RAP1GAP: variants seen among roughly 807,000 people sequenced by gnomAD.
RAP1GAP encodes the protein RAP1 GTPase activating protein.
In RAP1GAP, 35 loss-of-function variants were observed where a neutral mutation model predicts 87.2. The ratio of observed to expected loss-of-function variants is 0.40; its 90% CI spans 0.31 to 0.53. The LOEUF (loss-of-function observed/expected upper bound fraction) is 0.53, where lower values mean the gene tolerates loss of function less well. Among genes scored for constraint, RAP1GAP ranks in the 20% least tolerant of loss-of-function variants. RAP1GAP has a pLI of 0.48. For synonymous variants in RAP1GAP, 375 were observed against 363.9 expected, an observed-to-expected ratio of 1.03 and a Z score of -0.35; for missense variants, 734 against 898.9, an observed-to-expected ratio of 0.82 and a Z score of 2.35.
intron 2 of RAP1GAP, among the ~76,000 whole-genome samples, chr1:21,647,062 C>T (rs2096122699): frequency 1.3e-5 from 2 of 152,184 alleles, no homozygotes; most frequent in Admixed American, 1.3e-4. Flanking sequence ...TTACTTATTC[C>T]CCTCCCTGAA....
intron 1 of RAP1GAP, among the ~76,000 whole-genome samples, chr1:21,662,807 C>A (rs1205733212): frequency 2.0e-5 from 3 of 152,232 alleles, no homozygotes; most frequent in Non-Finnish European, 4.4e-5. Flanking sequence ...AGCCACTCAC[C>A]AGCTGGGTGA....
intron 1 of RAP1GAP, among the ~76,000 whole-genome samples, chr1:21,663,154 C>T (rs1028213298): frequency 6.6e-6 from 1 of 152,208 alleles, no homozygotes; most frequent in Admixed American, 6.5e-5. Context: ...GGGACTCGGA[C>T]AGGTGAGGTC....
At position 21,634,213 on chromosome 1, in the gene RAP1GAP, TGGCCCCCTCTTCCCCA is replaced by T. The variant is rs2094328419; in HGVS notation, c.-112-7832_-112-7817del. Among the ~76,000 whole-genome samples the T allele has an allele frequency of 1.3e-5, 2 of 152,086 alleles. No homozygotes were observed. Among genetic ancestry groups the T allele is most frequent in the South Asian group, 4.1e-4 (2 of 4,824 alleles). Reference sequence around the variant, plus strand: ...TTTCCAAAGCTAGGTCTGGAGAGGCTGGCCCCCTCTTCCCCAGCCCACTGGGAGCCTAAGCAGACAG... The same window carrying T: ...TTTCCAAAGCTAGGTCTGGAGAGGCTGCCCACTGGGAGCCTAAGCAGACAG... On this transcript the variant is annotated intron_variant, in intron 2 of 24. Coordinates refer to ENST00000374765, the MANE Select transcript of RAP1GAP (RefSeq NM_002885.4). The surrounding 1 kb of genome is among the most constrained non-coding windows in gnomAD (Gnocchi z 4.1).
rs562718440 is a variant in RAP1GAP at position 21,611,974 on chromosome 1, C to G, written c.612+52G>C. 1.3e-5 allele frequency: 20 copies of G among 1,494,832 alleles called. No homozygotes were observed. The African/African-American group carries it at 2.5e-4, about 19-fold the overall frequency. The allele number at this position is 1,494,832 out of a possible 1,614,324, so 92.6% of individuals were successfully genotyped here. On this transcript the variant is annotated intron_variant, in intron 11 of 24. Transcript: ENST00000374765. ...GTGCTGCCCTGGAAAAGGTGTGAGG[C>G]TCCAGATATGGGGCCAGGTGGGGAG...
At chr1:21,644,766 G>C (rs1264473504) in intron 2 of RAP1GAP, among the ~76,000 whole-genome samples, 1 of 152,072 alleles carries the variant, frequency 6.6e-6, no homozygotes, top group African/African-American at 2.4e-5. Context: ...GCCGGGTGTG[G>C]TGGCAGGCGC....
chr1:21,603,902 A>T lies in RAP1GAP; in HGVS notation c.1429-989T>A, dbSNP rs767917050. The T allele has an allele frequency of 1.3e-6, 2 of 1,547,250 alleles. No individual in the cohort carries two copies. Among genetic ancestry groups the T allele is most frequent in the Non-Finnish European group, 1.8e-6 (2 of 1,142,608 alleles). On this transcript the variant is annotated intron_variant, in intron 18 of 24. Coordinates refer to ENST00000374765, the MANE Select transcript of RAP1GAP (RefSeq NM_002885.4). This position sits in a 1 kb window ranked among gnomAD's most constrained non-coding sequence, Gnocchi z 6.0. ...GAATCTACTCGCACTTTTCCCAGGA[A>T]TAAGCAATGACTGGCAAGCAGCAGA... is the stretch of plus-strand genomic sequence containing the variant.
chr1:21,667,263 G>T (rs2097395133), intron 1 of RAP1GAP, among the ~76,000 whole-genome samples: 1 of 152,226 alleles, frequency 6.6e-6, no homozygotes, highest in Admixed American at 6.5e-5. Context: ...GGGAGGTGGA[G>T]GCCCTGCTGT....
At chr1:21,605,425 C>T (rs1358436443) in intron 18 of RAP1GAP, among the ~76,000 whole-genome samples, 1 of 152,208 alleles carries the variant, frequency 6.6e-6, no homozygotes, top group Non-Finnish European at 1.5e-5. Context: ...GGGCTTATCA[C>T]ACACGATGTG....
rs2071108375 is a variant in RAP1GAP, at chr1:21,603,563, GGGTACC to G, written c.1429-656_1429-651del. ...ACGTGCGGCTGGGTGTAGGGCCTTTGGGTACCGGATCCTGGCAGGGACTGGGCCAGG... is the reference window on the plus strand; with the variant it reads ...ACGTGCGGCTGGGTGTAGGGCCTTTGGGATCCTGGCAGGGACTGGGCCAGG... On this transcript the variant is annotated intron_variant, in intron 18 of 24. Coordinates refer to ENST00000374765, the MANE Select transcript of RAP1GAP (RefSeq NM_002885.4). This position sits in a 1 kb window ranked among gnomAD's most constrained non-coding sequence, Gnocchi z 6.0. The G allele has an allele frequency of 3.2e-6, 2 of 629,640 alleles. No individual in the cohort carries two copies. The highest frequency in any genetic ancestry group is 1.8e-5 in the African/African-American group (1 of 54,812). 39.0% of individuals were successfully genotyped at this position (629,640 alleles called of 1,614,324 possible). A position where few individuals can be genotyped will look rare whatever the true frequency, so the allele number is the denominator to read the frequency against.
Position 21,598,496 on chromosome 1 carries a change from C to A in RAP1GAP, c.1783G>T (p.Val595Leu). ...TTGTGGGGTGTTCCTGAGGATGACA[C>A]GCTCTCCTGGGGAGGGGGTGGAAAG... ...VDGEDTGLES[V>L]SSSGTPHKRD... The change falls in exon 22 of 25, where the codon GTG becomes TTG. Residue 595 changes from valine (V) to leucine (L), a missense_variant. By Grantham distance (32) the Val-to-Leu change is conservative (BLOSUM62 1). This residue lies in a region of RAP1GAP where 249 missense variants were observed against 252.7 expected (regional missense o/e 0.99). Coordinates refer to ENST00000374765, the MANE Select transcript of RAP1GAP (RefSeq NM_002885.4). 1 of 1,611,580 alleles carries A rather than the reference C, an allele frequency of 6.2e-7. No homozygotes were observed. The highest frequency in any genetic ancestry group is 8.5e-7 in the Non-Finnish European group (1 of 1,178,372).
At chr1:21,651,813 G>T in intron 1 of RAP1GAP, 1 of 1,298,182 alleles carries the variant, frequency 7.7e-7, no homozygotes, top group Non-Finnish European at 9.8e-7. Context: ...CTGCGCTTCC[G>T]GCCGCTCATG....
chr1:21,669,056 C>T lies in RAP1GAP; in HGVS notation c.-149+198G>A, dbSNP rs1352428696. On this transcript the variant is annotated intron_variant, in intron 1 of 24. Coordinates refer to ENST00000374765, the MANE Select transcript of RAP1GAP (RefSeq NM_002885.4). The surrounding 1 kb of genome is among the most constrained non-coding windows in gnomAD (Gnocchi z 5.6). ...CAGTCCAGGCCTCCCCCCACTTCTC[C>T]AGCTGCTGTCAAGACCGGGCTGCGC... Among the ~76,000 whole-genome samples the T allele has an allele frequency of 2.0e-5, 3 of 151,964 alleles. No individual in the cohort carries two copies. Among genetic ancestry groups the T allele is most frequent in the African/African-American group, 7.2e-5 (3 of 41,430 alleles).
intron 13 of RAP1GAP, among the ~76,000 whole-genome samples, chr1:21,610,621 A>C (rs79983448): frequency 0.014 from 2,093 of 152,272 alleles, 48 homozygotes; most frequent in African/African-American, 0.046. Flanking sequence ...AGATGATGAT[A>C]TCAAGGCCGA....
At position 21,611,744 on chromosome 1, in the gene RAP1GAP, G is replaced by T. The variant is rs1426345594; in HGVS notation, c.685C>A (p.Gln229Lys). The T allele has an allele frequency of 6.2e-7, 1 of 1,613,642 alleles. No individual in the cohort carries two copies. The highest frequency in any genetic ancestry group is 8.5e-7 in the Non-Finnish European group (1 of 1,179,660). The change falls in exon 12 of 25, where the codon CAG becomes AAG. Residue 229 changes from glutamine (Q) to lysine (K), a missense_variant. Gln to Lys is a moderately conservative substitution (Grantham distance 53). Coordinates refer to ENST00000374765, the MANE Select transcript of RAP1GAP (RefSeq NM_002885.4). ...AFVEFLEFLG[Q>K]KVKLQDFKGF... Reference sequence around the variant, plus strand: ...TTAAAGTCCTGCAGTTTGACCTTCTGGCCAAGAAATTCAAGGAACTCCACG... The same window carrying T: ...TTAAAGTCCTGCAGTTTGACCTTCTTGCCAAGAAATTCAAGGAACTCCACG...
chr1:21,612,897 G>T lies in RAP1GAP; in HGVS notation c.528+279C>A, dbSNP rs1472156331. The stretch of plus-strand genomic sequence containing the variant: ...TATGGCACAGCTTGCTCTCAGGAGG[G>T]TCCCCAAACATCACAGAGGTTCCAG... On this transcript the variant is annotated intron_variant, in intron 10 of 24. Transcript: ENST00000374765. 1.0e-5 allele frequency: 5 copies of T among 498,062 alleles called. No homozygotes were observed. In the East Asian group the frequency reaches 1.7e-4, roughly 17 times the overall value. 30.9% of individuals were successfully genotyped at this position (498,062 alleles called of 1,614,324 possible). A position where few individuals can be genotyped will look rare whatever the true frequency, so the allele number is the denominator to read the frequency against.
At chr1:21,660,353 T>TATATATATATATATATATATATAGA in intron 1 of RAP1GAP, among the ~76,000 whole-genome samples, 2 of 26,838 alleles carry the variant, frequency 7.5e-5, no homozygotes, top group East Asian at 2.3e-3. Context: ...ATATATTTAT[T>TATATATATATATATATATATATAGA]GAGACAGTCT....
In RAP1GAP at chr1:21,614,107, G is replaced by A; in HGVS notation, c.292-18C>T. The A allele has an allele frequency of 1.3e-6, 2 of 1,536,770 alleles. No homozygotes were observed. The highest frequency in any genetic ancestry group is 1.8e-6 in the Non-Finnish European group (2 of 1,118,064). On this transcript the variant is annotated intron_variant, in intron 7 of 24. Coordinates refer to ENST00000374765, the MANE Select transcript of RAP1GAP (RefSeq NM_002885.4). ...AAATGCTCCTGCAGTGGGAGGTGGG[G>A]GCCAGGGGAGTGGGTGAGGCTGAGC...
chr1:21,604,032 CAG>C, intron 18 of RAP1GAP: 1 of 806,956 alleles, frequency 1.2e-6, no homozygotes, highest in South Asian at 1.8e-5. Context: ...GGAAGACAGA[CAG>C]AAAAAGGAAG....
chr1:21,660,374 C>T (rs901474718), intron 1 of RAP1GAP, among the ~76,000 whole-genome samples: 1 of 57,442 alleles, frequency 1.7e-5, no homozygotes, highest in African/African-American at 6.5e-5. Flanking sequence ...CGCTCTGTCA[C>T]CCAGGCTGGA....
Sources: gnomAD v4.1 joint callset for allele counts (sites outside exome capture counted in the v4.1 genomes callset) on GRCh38, gnomAD v4.1.1 for gene constraint, gnomAD v4.1.1 regional missense constraint, Gnocchi (gnomAD v3.1) non-coding constraint, MANE v1.5 for transcripts, NCBI Gene and HGNC (gene_info 2026-07-23, HGNC 2026-07-21) for gene names.